The following IL18R1 variants were observed in gnomAD, a reference collection of about 807,000 sequenced individuals.
IL18R1 encodes interleukin 18 receptor 1, also known as interleukin-18 receptor 1.
A neutral mutation model predicts 48.5 loss-of-function variants in IL18R1; 40 were observed. The observed-to-expected ratio is 0.82, with a 90% CI of 0.64 to 1.07. The LOEUF (loss-of-function observed/expected upper bound fraction) is 1.07. IL18R1 is among the 50% of genes least tolerant of loss of function. IL18R1 has a pLI of 0.00. For missense variants in IL18R1, 596 were observed against 633.7 expected (o/e 0.94, Z 0.64); for synonymous variants, 232 against 225.9 (o/e 1.03, Z -0.24).
At chr2:102,365,340 G>C (rs1678827625) in intron 2 of IL18R1, among the ~76,000 whole-genome samples, 1 of 152,196 alleles carries the variant, frequency 6.6e-6, no homozygotes, top group Non-Finnish European at 1.5e-5. Context: ...AAATTTAATA[G>C]GGCAGTCATT....
At chr2:102,390,845 ATGGCG>A (rs1680522025) in intron 9 of IL18R1, among the ~76,000 whole-genome samples, 1 of 148,656 alleles carries the variant, frequency 6.7e-6, no homozygotes, top group African/African-American at 2.5e-5. Context: ...AGGCAGGAGA[ATGGCG>A]TGTGAACTCG....
chr2:102,371,881 T>C, intron 3 of IL18R1, 72 bp from the exon 4 acceptor site: 1 of 820,216 alleles, frequency 1.2e-6, no homozygotes. Flanking sequence ...AACTGGTTAC[T>C]AAAGGGAAGA....
At chr2:102,391,635 GAC>G (rs1456341632) in intron 9 of IL18R1, among the ~76,000 whole-genome samples, 2 of 152,194 alleles carry the variant, frequency 1.3e-5, no homozygotes, top group African/African-American at 4.8e-5. Flanking sequence ...ACAAGAAGGA[GAC>G]ACAGCCATTA....
Position 102,396,833 on chromosome 2 carries a change from G to A in IL18R1, c.1573G>A (p.Val525Ile). Residue 525 changes from valine (V) to isoleucine (I), a missense_variant, in exon 11 of 11, where the codon GTC becomes ATC. Physicochemically the swap from Val to Ile is conservative, Grantham distance 29. This residue lies in a region of IL18R1 where 179 missense variants were observed against 206.1 expected (regional missense o/e 0.87). Transcript: ENST00000233957. ...TCTTTACTTAATGCCTGCAAAAACA[G>A]TCAAGCCAGGTAGAGACGAACCGGA... ...NLLYLMPAKT[V>I]KPGRDEPEVL... The A allele has an allele frequency of 6.2e-7, 1 of 1,611,154 alleles. No individual in the cohort carries two copies. Among genetic ancestry groups the A allele is most frequent in the Non-Finnish European group, 8.5e-7 (1 of 1,179,266 alleles).
At chr2:102,392,264 A>T (rs986448492) in intron 9 of IL18R1, among the ~76,000 whole-genome samples, 4 of 152,178 alleles carry the variant, frequency 2.6e-5, no homozygotes, top group Admixed American at 6.5e-5. Context: ...CGAGTTTGCT[A>T]TGGGGAGAGA....
Position 102,372,013 on chromosome 2 carries a change from T to C in IL18R1, c.363T>C (p.Thr121=). The C allele has an allele frequency of 6.3e-7, 1 of 1,592,466 alleles. No individual in the cohort carries two copies. Among genetic ancestry groups the C allele is most frequent in the Non-Finnish European group, 8.6e-7 (1 of 1,165,308 alleles). ...GAAGAAATAAACACAGCTGTTTCAC[T>C]GAAAGACAAGTAACTAGTAAAATTG... ...VIRRNKHSCF[T]ERQVTSKIVE... The change falls in exon 4 of 11, where the codon ACT becomes ACC. Residue 121 remains threonine (T), a synonymous_variant. Coordinates refer to ENST00000233957, the MANE Select transcript of IL18R1 (RefSeq NM_003855.5).
At chr2:102,387,240 G>C (rs1162499553) in intron 8 of IL18R1, among the ~76,000 whole-genome samples, 1 of 152,180 alleles carries the variant, frequency 6.6e-6, no homozygotes, top group Non-Finnish European at 1.5e-5. Context: ...GGAAATCGGG[G>C]GGCCTGAGGC....
At chr2:102,365,735 C>T (rs1372412528) in intron 2 of IL18R1, among the ~76,000 whole-genome samples, 2 of 152,250 alleles carry the variant, frequency 1.3e-5, no homozygotes, top group African/African-American at 4.8e-5. Context: ...CATTTCCATA[C>T]ATCCTCTGAA....
intron 1 of IL18R1, among the ~76,000 whole-genome samples, chr2:102,358,050 A>G (rs1678356916): frequency 6.6e-6 from 1 of 152,134 alleles, no homozygotes; most frequent in African/African-American, 2.4e-5. Context: ...ATTTTGTCTC[A>G]GGAGTTGCTC....
At chr2:102,385,336 G>C (rs371296812) in intron 7 of IL18R1, among the ~76,000 whole-genome samples, 255 of 152,220 alleles carry the variant, frequency 1.7e-3, no homozygotes, top group African/African-American at 5.8e-3. Context: ...CCTAGGCCAA[G>C]CTTTTTTTTA....
chr2:102,384,074 G>A (rs1261838451), intron 6 of IL18R1, among the ~76,000 whole-genome samples: 1 of 152,172 alleles, frequency 6.6e-6, no homozygotes, highest in Non-Finnish European at 1.5e-5. Context: ...TTTCTTACAA[G>A]TAGGTAGCCT....
In IL18R1 at chr2:102,386,944, G is replaced by A. The variant is rs765832256; in HGVS notation, c.893G>A (p.Cys298Tyr). Residue 298 changes from cysteine (C) to tyrosine (Y), a missense_variant, in exon 8 of 11, where the codon TGC becomes TAC. Coordinates refer to ENST00000233957, the MANE Select transcript of IL18R1 (RefSeq NM_003855.5). ...GESNLNVLYN[C>Y]TVASTGGTDT... ...AGCAATCTAAATGTTTTATATAATTGCACTGTGGCCAGCACGGGAGGCACA... is the reference window on the plus strand; with the variant it reads ...AGCAATCTAAATGTTTTATATAATTACACTGTGGCCAGCACGGGAGGCACA... The A allele has an allele frequency of 6.2e-7, 1 of 1,613,924 alleles. No homozygotes were observed. The highest frequency in any genetic ancestry group is 8.5e-7 in the Non-Finnish European group (1 of 1,179,804).
intron 9 of IL18R1, among the ~76,000 whole-genome samples, chr2:102,393,535 G>A (rs948731804): frequency 3.9e-5 from 6 of 152,190 alleles, no homozygotes; most frequent in Non-Finnish European, 7.4e-5. Flanking sequence ...GGGCTGTTAA[G>A]CATAAATGAT....
At chr2:102,379,114 C>A (rs1396536203) in intron 5 of IL18R1, among the ~76,000 whole-genome samples, 1 of 152,148 alleles carries the variant, frequency 6.6e-6, no homozygotes, top group Non-Finnish European at 1.5e-5. Context: ...TAACAAGGGG[C>A]AAGCAAGTTT....
intron 9 of IL18R1, among the ~76,000 whole-genome samples, chr2:102,393,884 T>C (rs114029955): frequency 7.9e-5 from 12 of 152,354 alleles, no homozygotes; most frequent in African/African-American, 2.9e-4. Flanking sequence ...AGTTTTGTTA[T>C]TCTTTTTTTG....
rs1679563704 is a variant in IL18R1 at position 102,376,040 on chromosome 2, C to G, written c.602C>G (p.Thr201Ser). The G allele has an allele frequency of 1.3e-6, 2 of 1,593,786 alleles. No homozygotes were observed. The highest frequency in any genetic ancestry group is 1.4e-5 in the African/African-American group (1 of 73,768). ...HNGKLFNITKTFNITIVEDRS... is the reference protein window; with the variant it reads ...HNGKLFNITKSFNITIVEDRS... Reference sequence around the variant, plus strand: ...GGAAAACTATTTAATATCACCAAAACCTTCAATATAACAATAGTGGAAGGT... The same window carrying G: ...GGAAAACTATTTAATATCACCAAAAGCTTCAATATAACAATAGTGGAAGGT... The change falls in exon 5 of 11, where the codon ACC becomes AGC. Residue 201 changes from threonine to serine, a missense_variant. By Grantham distance (58) the Thr-to-Ser change is moderately conservative (BLOSUM62 1). This residue lies in a region of IL18R1 where 360 missense variants were observed against 339.4 expected (regional missense o/e 1.06). Coordinates refer to ENST00000233957, the MANE Select transcript of IL18R1 (RefSeq NM_003855.5).
chr2:102,359,701 C>T (rs1678463374), intron 1 of IL18R1, among the ~76,000 whole-genome samples: 1 of 152,162 alleles, frequency 6.6e-6, no homozygotes, highest in Non-Finnish European at 1.5e-5. Context: ...CTGTCTTGTG[C>T]TATTGAGTGA....
Position 102,394,608 on chromosome 2 carries a change from G to A in IL18R1, c.1251G>A (p.Arg417=). 6.2e-7 allele frequency: 1 copy of A among 1,609,922 alleles called. No homozygotes were observed. The highest frequency in any genetic ancestry group is 8.5e-7 in the Non-Finnish European group (1 of 1,177,388). The change falls in exon 10 of 11, where the codon AGG becomes AGA. Residue 417 remains arginine, a synonymous_variant. Transcript: ENST00000233957. ...GGTATAAGTTATGCATATTTGAAAG[G>A]GATGTAGTGCCTGGAGGAGGTAAGA... The part of the protein sequence containing the change: ...HFGYKLCIFE[R]DVVPGGAVVD...
chr2:102,366,798 C>G (rs1678926495), intron 2 of IL18R1, among the ~76,000 whole-genome samples: 2 of 152,170 alleles, frequency 1.3e-5, no homozygotes, highest in Admixed American at 1.3e-4. Context: ...ATGAGGGTGA[C>G]TGCCCCCATG....
Sources: gnomAD v4.1 joint callset for allele counts (sites outside exome capture counted in the v4.1 genomes callset) on GRCh38, gnomAD v4.1.1 for gene constraint, gnomAD v4.1.1 regional missense constraint, MANE v1.5 for transcripts, NCBI Gene and HGNC (gene_info 2026-07-23, HGNC 2026-07-21) for gene names.